CSMD1: variants seen among roughly 807,000 people sequenced by gnomAD.
The protein encoded by CSMD1 is CUB and Sushi multiple domains 1.
Under a neutral mutation model 417.5 loss-of-function variants are expected in CSMD1, and 213 were observed. The observed-to-expected ratio is 0.51, with a 90% confidence interval of 0.46 to 0.57. CSMD1 has a LOEUF of 0.57. Among genes scored for constraint, CSMD1 ranks in the 20% least tolerant of loss-of-function variants. The pLI is 0.00. For missense variants in CSMD1, 6,923 were observed against 4,529.7 expected (o/e 1.53, Z -15.17); for synonymous variants, 2,862 against 1,736.8 (o/e 1.65, Z -16.11).
intron 1 of CSMD1, among the ~76,000 whole-genome samples, chr8:4,915,283 C>G (rs1486511992): frequency 6.6e-6 from 1 of 152,060 alleles, no homozygotes; most frequent in Non-Finnish European, 1.5e-5. Context: ...ATAGGCATAA[C>G]ACCCCTCCCA....
At chr8:4,170,267 G>A (rs763423618) in intron 3 of CSMD1, among the ~76,000 whole-genome samples, 1 of 151,664 alleles carries the variant, frequency 6.6e-6, no homozygotes, top group Non-Finnish European at 1.5e-5. Context: ...TTACCCCCTT[G>A]CCTTGGGTAG....
intron 1 of CSMD1, among the ~76,000 whole-genome samples, chr8:4,894,804 A>C (rs1223726576): frequency 2.0e-5 from 3 of 151,844 alleles, no homozygotes; most frequent in African/African-American, 7.3e-5. Context: ...TTTCCTCATG[A>C]ACGGACAACT....
chr8:3,903,534 C>T (rs1297323775), intron 5 of CSMD1, among the ~76,000 whole-genome samples: 4 of 152,182 alleles, frequency 2.6e-5, no homozygotes, highest in African/African-American at 9.7e-5. Context: ...TAATTGCCGG[C>T]ATTTTGTCCT....
At chr8:4,763,515 T>A (rs966769697) in intron 1 of CSMD1, among the ~76,000 whole-genome samples, 1 of 152,198 alleles carries the variant, frequency 6.6e-6, no homozygotes, top group African/African-American at 2.4e-5. Context: ...TCTTATAATG[T>A]ATCAACCATT....
intron 1 of CSMD1, among the ~76,000 whole-genome samples, chr8:4,973,591 G>C: frequency 6.6e-6 from 1 of 152,072 alleles, no homozygotes; most frequent in Non-Finnish European, 1.5e-5. Flanking sequence ...ACATAAAATT[G>C]ACTTAAAGTG....
intron 3 of CSMD1, among the ~76,000 whole-genome samples, chr8:4,091,358 G>C (rs537008147): frequency 5.9e-5 from 9 of 152,190 alleles, no homozygotes; most frequent in African/African-American, 2.2e-4. Flanking sequence ...AATTTGAAAT[G>C]TCCATGGAAG....
At chr8:3,445,902 A>G (rs1208415272) in intron 12 of CSMD1, among the ~76,000 whole-genome samples, 3 of 152,198 alleles carry the variant, frequency 2.0e-5, no homozygotes, top group East Asian at 3.9e-4. Context: ...ATTGAGATCT[A>G]TCATCTTGAC....
chr8:4,384,312 C>T (rs1803300340), intron 3 of CSMD1, among the ~76,000 whole-genome samples: 1 of 152,126 alleles, frequency 6.6e-6, no homozygotes, highest in Admixed American at 6.5e-5. Context: ...AAGGGCAGTT[C>T]CGAAATCTAC....
chr8:4,244,865 C>G (rs1337306818), intron 3 of CSMD1, among the ~76,000 whole-genome samples: 3 of 152,052 alleles, frequency 2.0e-5, no homozygotes, highest in Non-Finnish European at 4.4e-5. Flanking sequence ...ACAAGATCCC[C>G]TAGGGATATT....
intron 1 of CSMD1, among the ~76,000 whole-genome samples, chr8:4,935,246 C>T (rs1487128651): frequency 6.6e-6 from 1 of 152,198 alleles, no homozygotes; most frequent in Non-Finnish European, 1.5e-5. Context: ...CTGCCCCACA[C>T]CTTTCTTCTT....
At chr8:4,435,525 G>A (rs1395251538) in intron 2 of CSMD1, among the ~76,000 whole-genome samples, 2 of 152,276 alleles carry the variant, frequency 1.3e-5, no homozygotes, top group East Asian at 1.9e-4. Context: ...AACCTTAACT[G>A]CCTGCCTCCT....
In CSMD1 at chr8:4,224,663, A is replaced by T. The variant is rs1053204549; in HGVS notation, c.416-192564T>A. Among the ~76,000 whole-genome samples the T allele has an allele frequency of 5.3e-5, 8 of 152,326 alleles. No homozygotes were observed. In the East Asian group the frequency reaches 9.6e-4, roughly 18 times the overall value. ...GTGAAGAGGGAGATAAGTGGATAGA[A>T]TTCCCCACTGCTCAATTTCAGATGC... On this transcript the variant is annotated intron_variant, in intron 3 of 69. Coordinates refer to ENST00000635120, the MANE Select transcript of CSMD1 (RefSeq NM_033225.6).
chr8:3,185,220 A>G (rs1476562565), intron 36 of CSMD1, among the ~76,000 whole-genome samples: 4 of 152,244 alleles, frequency 2.6e-5, no homozygotes, highest in East Asian at 1.9e-4. Context: ...ACTCCAGGAA[A>G]TTAGCGTCAG....
At chr8:4,775,230 G>T (rs763958619) in intron 1 of CSMD1, among the ~76,000 whole-genome samples, 1 of 152,020 alleles carries the variant, frequency 6.6e-6, no homozygotes, top group Non-Finnish European at 1.5e-5. Context: ...CACTAAAATA[G>T]GAAAAATAGA....
chr8:2,987,504 A>G (rs1408951428), intron 54 of CSMD1, among the ~76,000 whole-genome samples: 3 of 151,396 alleles, frequency 2.0e-5, no homozygotes, highest in African/African-American at 7.3e-5. Flanking sequence ...AATCTACAAT[A>G]CCTTTTCTAA....
At chr8:4,249,864 T>C (rs1021736582) in intron 3 of CSMD1, among the ~76,000 whole-genome samples, 4 of 152,142 alleles carry the variant, frequency 2.6e-5, no homozygotes, top group African/African-American at 9.7e-5. Flanking sequence ...CCCGGAATTC[T>C]TGAGTTGGCA....
intron 2 of CSMD1, among the ~76,000 whole-genome samples, chr8:4,568,435 C>A (rs1168545632): frequency 1.3e-5 from 2 of 152,144 alleles, no homozygotes; most frequent in Admixed American, 6.5e-5. Context: ...CATGTCCTTG[C>A]AAATGACATG....
intron 10 of CSMD1, among the ~76,000 whole-genome samples, chr8:3,497,731 G>C (rs867572320): frequency 6.6e-6 from 1 of 152,144 alleles, no homozygotes; most frequent in Non-Finnish European, 1.5e-5. Flanking sequence ...CTTAGATATT[G>C]CTTTTTAAAT....
chr8:4,325,919 T>G (rs900210258), intron 3 of CSMD1, among the ~76,000 whole-genome samples: 1 of 152,188 alleles, frequency 6.6e-6, no homozygotes, highest in Non-Finnish European at 1.5e-5. Flanking sequence ...CAGATTTACA[T>G]GCTGGCTGGG....
Sources: gnomAD v4.1 joint callset for allele counts (sites outside exome capture counted in the v4.1 genomes callset) on GRCh38, gnomAD v4.1.1 for gene constraint, MANE v1.5 for transcripts, NCBI Gene and HGNC (gene_info 2026-07-23, HGNC 2026-07-21) for gene names.